Variants in PDE3B observed in about 807,000 individuals in gnomAD.
PDE3B encodes cGMP-inhibited 3',5'-cyclic phosphodiesterase 3B.
A neutral mutation model predicts 116.8 loss-of-function variants in PDE3B; 66 were observed. That is an observed-to-expected ratio of 0.56 (90% confidence interval 0.46 to 0.69). The LOEUF is 0.69. PDE3B is among the 30% of genes least tolerant of loss of function. PDE3B has a pLI of 0.00. For missense variants in PDE3B, 1,384 were observed against 1,368.1 expected (o/e 1.01, Z -0.18); for synonymous variants, 595 against 533.6 (o/e 1.12, Z -1.59).
At chr11:14,740,186 A>G (rs561233007) in intron 1 of PDE3B, among the ~76,000 whole-genome samples, 47 of 152,176 alleles carry the variant, frequency 3.1e-4, no homozygotes, top group Admixed American at 1.9e-3. Context: ...GCACCAACTC[A>G]TCTTTGTATC....
intron 1 of PDE3B, among the ~76,000 whole-genome samples, chr11:14,703,688 G>A (rs142198449): frequency 7.3e-5 from 11 of 151,586 alleles, no homozygotes; most frequent in South Asian, 2.1e-4. Flanking sequence ...CTCTTTTTCC[G>A]TTATGTGGAA....
chr11:14,833,482 T>G (rs1390031363), intron 10 of PDE3B, among the ~76,000 whole-genome samples: 1 of 152,208 alleles, frequency 6.6e-6, no homozygotes, highest in Non-Finnish European at 1.5e-5. Flanking sequence ...TTTTTAAAAT[T>G]AATTGCCTGT....
At chr11:14,661,328 C>T (rs981432759) in intron 1 of PDE3B, among the ~76,000 whole-genome samples, 9 of 152,304 alleles carry the variant, frequency 5.9e-5, no homozygotes, top group East Asian at 3.9e-4. Flanking sequence ...GGAGGATAGT[C>T]GAGATGGCCG....
In PDE3B at chr11:14,742,605, G is replaced by A. The variant is rs536449319; in HGVS notation, c.979-29332G>A. Among the ~76,000 whole-genome samples, 132 of 152,164 alleles carry A rather than the reference G, an allele frequency of 8.7e-4. 1 individual carries two copies. Among genetic ancestry groups the A allele is most frequent in the African/African-American group, 2.2e-3 (92 of 41,530 alleles). ...CTTCTGTCTGTCAAACTCATTCTCC[G>A]TCCAATTTTGTTCCCTTGCTGGTGA... is the stretch of plus-strand genomic sequence containing the variant. On this transcript the variant is annotated intron_variant, in intron 1 of 15. Transcript: ENST00000282096.
chr11:14,767,230 A>G (rs918594799), intron 1 of PDE3B, among the ~76,000 whole-genome samples: 9 of 151,572 alleles, frequency 5.9e-5, no homozygotes, highest in African/African-American at 2.2e-4. Context: ...AAAACTTTCC[A>G]TAGCTTCATG....
At chr11:14,690,860 A>G (rs951081274) in intron 1 of PDE3B, among the ~76,000 whole-genome samples, 2 of 152,158 alleles carry the variant, frequency 1.3e-5, no homozygotes. Context: ...TGTACTTTTT[A>G]AAGAAAGTGG....
At chr11:14,716,235 G>A (rs1184115701) in intron 1 of PDE3B, among the ~76,000 whole-genome samples, 1 of 152,220 alleles carries the variant, frequency 6.6e-6, no homozygotes, top group African/African-American at 2.4e-5. Context: ...GGCGCACCAC[G>A]AGACTATATC....
chr11:14,665,993 G>A (rs937667916), intron 1 of PDE3B, among the ~76,000 whole-genome samples: 5 of 152,150 alleles, frequency 3.3e-5, no homozygotes, highest in South Asian at 2.1e-4. Context: ...AACACCAAAA[G>A]AACAAAGCTG....
chr11:14,828,177 G>T (rs1859761380), intron 7 of PDE3B, among the ~76,000 whole-genome samples: 1 of 152,182 alleles, frequency 6.6e-6, no homozygotes, highest in Non-Finnish European at 1.5e-5. Context: ...ACTAAAGATG[G>T]TTTAAAGACT....
intron 1 of PDE3B, among the ~76,000 whole-genome samples, chr11:14,672,196 A>T (rs983273806): frequency 7.3e-5 from 11 of 151,504 alleles, no homozygotes; most frequent in Non-Finnish European, 1.5e-4. Flanking sequence ...CCCTTTTCTT[A>T]TTATTTTAGG....
intron 4 of PDE3B, among the ~76,000 whole-genome samples, chr11:14,801,799 G>A (rs1057287303): frequency 7.9e-5 from 12 of 152,344 alleles, no homozygotes; most frequent in African/African-American, 2.6e-4. Flanking sequence ...GTCCCTGACT[G>A]GGGCTGCTGC....
At chr11:14,811,978 TG>T (rs1859148085) in intron 5 of PDE3B, among the ~76,000 whole-genome samples, 1 of 152,218 alleles carries the variant, frequency 6.6e-6, no homozygotes, top group Non-Finnish European at 1.5e-5. Context: ...TTGTGATTTT[TG>T]TACATTGATT....
rs1403035268 is a variant in PDE3B, at chr11:14,663,943, C to T, written c.978+18890C>T. 2.0e-5 allele frequency among the ~76,000 whole-genome samples: 3 copies of T among 152,140 alleles called. No homozygotes were observed. In the South Asian group the frequency reaches 6.2e-4, roughly 32 times the overall value. On this transcript the variant is annotated intron_variant, in intron 1 of 15. Coordinates refer to ENST00000282096, the MANE Select transcript of PDE3B (RefSeq NM_000922.4). ...AATAGACATCTACAGAACTCTCCAC[C>T]CCAAATCAACAGAATATACATTTTT...
At chr11:14,825,301 G>A (rs1473917286) in intron 7 of PDE3B, among the ~76,000 whole-genome samples, 1 of 152,130 alleles carries the variant, frequency 6.6e-6, no homozygotes, top group African/African-American at 2.4e-5. Flanking sequence ...AACCTTGAGT[G>A]TAAATGGGCT....
chr11:14,838,644 A>T (rs1860135466), intron 11 of PDE3B, among the ~76,000 whole-genome samples: 1 of 152,202 alleles, frequency 6.6e-6, no homozygotes, highest in Admixed American at 6.5e-5. Flanking sequence ...TTTCTTTGAG[A>T]TCCATAATTA....
downstream of PDE3B, among the ~76,000 whole-genome samples, chr11:14,873,958 G>T (rs1164086617): frequency 6.6e-6 from 1 of 152,134 alleles, no homozygotes; most frequent in African/African-American, 2.4e-5. Flanking sequence ...AGGCCGAGGA[G>T]GGTGGATCTC....
chr11:14,890,816 G>A, the PDE3B span: 14 of 966,526 alleles, frequency 1.4e-5, no homozygotes, highest in South Asian at 6.7e-4. Context: ...CTAAAGTGCT[G>A]GGATTATAGG....
At chr11:14,860,865 A>G (rs1555007013) in intron 13 of PDE3B, among the ~76,000 whole-genome samples, 3 of 152,000 alleles carry the variant, frequency 2.0e-5, no homozygotes, top group Non-Finnish European at 1.5e-5. Flanking sequence ...TAATTCTTAT[A>G]TGATTTTTTG....
At chr11:14,813,119 A>G (rs1055751372) in intron 5 of PDE3B, among the ~76,000 whole-genome samples, 2 of 152,216 alleles carry the variant, frequency 1.3e-5, no homozygotes, top group African/African-American at 4.8e-5. Context: ...TCTCTTATTT[A>G]TAAAATACCT....
Sources: allele counts gnomAD v4.1 joint callset (sites outside exome capture counted in the v4.1 genomes callset), GRCh38; gene constraint gnomAD v4.1.1; transcripts MANE v1.5; gene names NCBI Gene and HGNC (gene_info 2026-07-23, HGNC 2026-07-21).